ARHGAP21: variants seen among roughly 807,000 people sequenced by gnomAD.
The protein encoded by ARHGAP21 is rho GTPase-activating protein 21.
A neutral mutation model predicts 164.6 loss-of-function variants in ARHGAP21; 38 were observed. The observed-to-expected ratio is 0.23, with a 90% CI of 0.18 to 0.30. The LOEUF (loss-of-function observed/expected upper bound fraction) is 0.30. Ranked by LOEUF, ARHGAP21 falls within the 10% of genes least tolerant of loss-of-function variation. The pLI is 1.00. For missense variants in ARHGAP21, 1,822 were observed against 2,370.7 expected (o/e 0.77, Z 4.81); for synonymous variants, 766 against 857.9 (o/e 0.89, Z 1.87).
At chr10:24,700,599 T>C (rs1246417213) in intron 2 of ARHGAP21, among the ~76,000 whole-genome samples, 2 of 152,202 alleles carry the variant, frequency 1.3e-5, no homozygotes, top group African/African-American at 4.8e-5. Context: ...GTATTCTGGA[T>C]TAATTTAGGA....
intron 2 of ARHGAP21, among the ~76,000 whole-genome samples, chr10:24,709,972 T>C (rs1844619791): frequency 6.6e-6 from 1 of 152,220 alleles, no homozygotes; most frequent in Non-Finnish European, 1.5e-5. Context: ...GTTTTATTTT[T>C]GCACATATCT....
intron 2 of ARHGAP21, among the ~76,000 whole-genome samples, chr10:24,692,362 A>G (rs575777303): frequency 3.3e-5 from 5 of 152,360 alleles, no homozygotes; most frequent in Non-Finnish European, 5.9e-5. Flanking sequence ...TTACGGGGGG[A>G]AAAACTGGTA....
At chr10:24,655,369 C>T (rs1305632449) in intron 4 of ARHGAP21, among the ~76,000 whole-genome samples, 1 of 152,158 alleles carries the variant, frequency 6.6e-6, no homozygotes, top group Non-Finnish European at 1.5e-5. Flanking sequence ...ACAATCTACC[C>T]ATCTGACAAA....
At position 24,584,565 on chromosome 10, in the gene ARHGAP21, C is replaced by A. The variant is rs761496700; in HGVS notation, c.5724G>T (p.Arg1908Ser). 3 of 1,613,738 alleles carry A rather than the reference C, an allele frequency of 1.9e-6. No homozygotes were observed. Among genetic ancestry groups the A allele is most frequent in the Non-Finnish European group, 2.5e-6 (3 of 1,179,860 alleles). The change falls in exon 26 of 26, where the codon AGG becomes AGT. Residue 1908 changes from arginine to serine, a missense_variant. Around this residue, in one of 5 missense-constraint regions of ARHGAP21, gnomAD observed 165 missense variants for 176.6 expected, o/e 0.93. Transcript: ENST00000396432. ...SSSSTLASTN[R>S]PLLSIPPQSP... Reference sequence around the variant, plus strand: ...ACTGTGGTGGTATGGAAAGAAGGGGCCTGTTTGTTGAAGCCAAGGTGCTGG... The same window carrying A: ...ACTGTGGTGGTATGGAAAGAAGGGGACTGTTTGTTGAAGCCAAGGTGCTGG...
At chr10:24,600,547 A>G (rs557066825) in intron 14 of ARHGAP21, 99 bp downstream of exon 14, 1 of 1,394,446 alleles carries the variant, frequency 7.2e-7, no homozygotes, top group Admixed American at 2.4e-5. Flanking sequence ...ATAGCACATT[A>G]TAATTTTTTT....
chr10:24,715,291 C>A (rs1845259672), intron 2 of ARHGAP21, among the ~76,000 whole-genome samples: 1 of 151,998 alleles, frequency 6.6e-6, no homozygotes, highest in African/African-American at 2.4e-5. Context: ...CAACTGTTAA[C>A]ATTTCATCAC....
intron 9 of ARHGAP21, among the ~76,000 whole-genome samples, chr10:24,614,457 G>C (rs923520177): frequency 2.0e-5 from 3 of 152,156 alleles, no homozygotes; most frequent in Non-Finnish European, 2.9e-5. Context: ...AGGTGAAAAG[G>C]CTCCAAAGTC....
chr10:24,654,613 TAA>T (rs1838595286), intron 4 of ARHGAP21, among the ~76,000 whole-genome samples: 1 of 152,024 alleles, frequency 6.6e-6, no homozygotes, highest in African/African-American at 2.4e-5. Context: ...CTCAACGAAA[TAA>T]AAGAGGACAC....
intron 2 of ARHGAP21, among the ~76,000 whole-genome samples, chr10:24,713,820 T>C (rs1845094795): frequency 6.6e-6 from 1 of 152,184 alleles, no homozygotes; most frequent in Non-Finnish European, 1.5e-5. Flanking sequence ...ATTTGTCTTT[T>C]GGATTATTTG....
At chr10:24,714,905 C>T (rs923697192) in intron 2 of ARHGAP21, among the ~76,000 whole-genome samples, 2 of 151,952 alleles carry the variant, frequency 1.3e-5, no homozygotes, top group South Asian at 2.1e-4. Context: ...TGGCGGGCGC[C>T]TGTAGTCCCA....
chr10:24,668,067 A>C (rs964873721), intron 3 of ARHGAP21, among the ~76,000 whole-genome samples: 1 of 152,224 alleles, frequency 6.6e-6, no homozygotes, highest in African/African-American at 2.4e-5. Flanking sequence ...GTGTGTTACA[A>C]GTATTGTATC....
At chr10:24,631,899 T>G (rs1835889940) in intron 6 of ARHGAP21, among the ~76,000 whole-genome samples, 1 of 152,068 alleles carries the variant, frequency 6.6e-6, no homozygotes, top group Non-Finnish European at 1.5e-5. Context: ...CAGCTAATTT[T>G]TTGTAGAGAC....
chr10:24,617,284 C>T (rs1834045365), intron 9 of ARHGAP21, among the ~76,000 whole-genome samples: 1 of 151,994 alleles, frequency 6.6e-6, no homozygotes, highest in African/African-American at 2.4e-5. Context: ...ATATATCCAG[C>T]ACATTTTTTT....
At chr10:24,686,059 A>C (rs1842179499) in intron 2 of ARHGAP21, among the ~76,000 whole-genome samples, 1 of 152,230 alleles carries the variant, frequency 6.6e-6, no homozygotes, top group Non-Finnish European at 1.5e-5. Flanking sequence ...TTGTTAAGCT[A>C]GTAAATAATG....
intron 2 of ARHGAP21, among the ~76,000 whole-genome samples, chr10:24,692,669 T>G (rs1004773906): frequency 6.6e-6 from 1 of 151,884 alleles, no homozygotes; most frequent in African/African-American, 2.4e-5. Flanking sequence ...CCATCTCTAC[T>G]AAAAATACAA....
chr10:24,682,800 G>A (rs922088382), intron 2 of ARHGAP21, among the ~76,000 whole-genome samples: 9 of 151,658 alleles, frequency 5.9e-5, no homozygotes, highest in South Asian at 4.2e-4. Flanking sequence ...GTTTTTCAGC[G>A]GGTATTGAAC....
At chr10:24,680,104 T>C (rs993538479) in intron 2 of ARHGAP21, among the ~76,000 whole-genome samples, 1 of 152,176 alleles carries the variant, frequency 6.6e-6, no homozygotes, top group African/African-American at 2.4e-5. Context: ...ATGTCCAGAT[T>C]TGCTAAGTGA....
chr10:24,653,961 G>C (rs956957548), intron 4 of ARHGAP21, among the ~76,000 whole-genome samples: 69 of 152,244 alleles, frequency 4.5e-4, no homozygotes, highest in African/African-American at 1.6e-3. Context: ...GAGGAAAATA[G>C]ATGCAAATCA....
chr10:24,701,306 G>T, intron 2 of ARHGAP21, among the ~76,000 whole-genome samples: 1 of 152,168 alleles, frequency 6.6e-6, no homozygotes, highest in Middle Eastern at 3.4e-3. Context: ...TTTCCAGTTC[G>T]AAGGATCCAA....
Sources: allele counts gnomAD v4.1 joint callset (sites outside exome capture counted in the v4.1 genomes callset), GRCh38; gene constraint gnomAD v4.1.1; regional missense constraint gnomAD v4.1.1; transcripts MANE v1.5; gene names NCBI Gene and HGNC (gene_info 2026-07-23, HGNC 2026-07-21).